ANKRD12: variants seen among roughly 807,000 people sequenced by gnomAD.
ANKRD12 encodes the protein ankyrin repeat domain 12.
ANKRD12 carries 85 observed loss-of-function variants against 183.4 expected under a neutral mutation model. The ratio of observed to expected loss-of-function variants is 0.46; its 90% CI spans 0.39 to 0.56. The LOEUF is 0.56. Among genes scored for constraint, ANKRD12 ranks in the 20% least tolerant of loss-of-function variants. ANKRD12 has a pLI of 0.00. For synonymous variants in ANKRD12, 914 were observed against 800.2 expected (o/e 1.14, Z -2.40); for missense variants, 2,405 against 2,357.1 (o/e 1.02, Z -0.42).
chr18:9,197,231 A>G (rs2034886094), intron 3 of ANKRD12, among the ~76,000 whole-genome samples: 1 of 152,238 alleles, frequency 6.6e-6, no homozygotes, highest in South Asian at 2.1e-4. Context: ...CATTGAATAA[A>G]TGTAACCTAA....
chr18:9,274,411 CATT>C (rs1390646520), intron 10 of ANKRD12, among the ~76,000 whole-genome samples: 2 of 152,192 alleles, frequency 1.3e-5, no homozygotes, highest in African/African-American at 4.8e-5. Flanking sequence ...ACCTTGAAAT[CATT>C]ATGCCAAGTG....
intron 8 of ANKRD12, among the ~76,000 whole-genome samples, chr18:9,237,982 A>T (rs1300603460): frequency 6.6e-6 from 1 of 151,960 alleles, no homozygotes; most frequent in Non-Finnish European, 1.5e-5. Context: ...TTGTAGACTG[A>T]CTCCTCCATG....
chr18:9,161,292 G>A (rs918072617), intron 1 of ANKRD12, among the ~76,000 whole-genome samples: 3 of 152,050 alleles, frequency 2.0e-5, no homozygotes, highest in African/African-American at 7.2e-5. Context: ...ACTTAGTTGT[G>A]AAAGATTTGT....
At chr18:9,204,590 A>C in intron 4 of ANKRD12, 46 bp downstream of exon 4, 1 of 1,350,982 alleles carries the variant, frequency 7.4e-7, no homozygotes, top group African/African-American at 1.5e-5. Flanking sequence ...GGTTTCTGTC[A>C]CATTTACAAT....
At chr18:9,190,358 T>G (rs1046919734) in intron 2 of ANKRD12, among the ~76,000 whole-genome samples, 19 of 152,252 alleles carry the variant, frequency 1.2e-4, no homozygotes, top group African/African-American at 4.3e-4. Context: ...ATAGCTCATC[T>G]TTCTTATGGA....
chr18:9,223,164 A>C (rs2036515465), intron 8 of ANKRD12, among the ~76,000 whole-genome samples: 1 of 152,194 alleles, frequency 6.6e-6, no homozygotes. Context: ...CACACCTGTA[A>C]TCCCAGCGCT....
chr18:9,156,137 CAAAAAAAAA>C (rs34154495), intron 1 of ANKRD12, among the ~76,000 whole-genome samples: 2 of 104,092 alleles, frequency 1.9e-5, no homozygotes, highest in East Asian at 2.7e-4. Context: ...GACTCTGTCT[CAAAAAAAAA>C]AAAAAAAAAG....
chr18:9,170,114 A>G (rs1258233649), intron 1 of ANKRD12, among the ~76,000 whole-genome samples: 2 of 152,216 alleles, frequency 1.3e-5, no homozygotes, highest in Non-Finnish European at 2.9e-5. Context: ...CTTTGTGGGT[A>G]ACCCCACCTT....
rs1300971035 is a variant in ANKRD12 at position 9,258,609 on chromosome 18, T to G, written c.5342T>G (p.Ile1781Ser). The G allele has an allele frequency of 6.2e-7, 1 of 1,613,798 alleles. No homozygotes were observed. The highest frequency in any genetic ancestry group is 8.5e-7 in the Non-Finnish European group (1 of 1,179,930). ...IRLTEDDDPQ[I>S]HHPRKRKVSR... The stretch of plus-strand genomic sequence containing the variant: ...TTAACTGAAGATGACGATCCTCAAA[T>G]TCACCATCCACGGAAAAGGAAAGTG... Residue 1781 changes from isoleucine to serine, a missense_variant, in exon 9 of 13, where the codon ATT becomes AGT. Ile to Ser is a moderately radical substitution (Grantham distance 142, BLOSUM62 -2). This residue lies in a region of ANKRD12 where 1,983 missense variants were observed against 1,725.9 expected (regional missense o/e 1.15). Coordinates refer to ENST00000262126, the MANE Select transcript of ANKRD12 (RefSeq NM_015208.5).
Position 9,136,934 on chromosome 18 carries a change from G to C in ANKRD12, c.-83G>C, listed in dbSNP as rs1330796729. On this transcript the variant is annotated 5_prime_UTR_variant, in exon 1 of 13. Coordinates refer to ENST00000262126, the MANE Select transcript of ANKRD12 (RefSeq NM_015208.5). ...GGCTACGCCGAAGCACTCGTTCCGG[G>C]GGTGAAGCCTCCTGCGCCGGCCTTG... The C allele has an allele frequency of 6.6e-6, 1 of 152,316 alleles. No individual in the cohort carries two copies. Among genetic ancestry groups the C allele is most frequent in the Non-Finnish European group, 1.5e-5 (1 of 68,142 alleles). The allele number at this position is 152,316 out of a possible 1,614,324, so 9.4% of individuals were successfully genotyped here.
intron 8 of ANKRD12, among the ~76,000 whole-genome samples, chr18:9,236,354 TAAAC>T (rs981230107): frequency 1.3e-5 from 2 of 152,160 alleles, no homozygotes; most frequent in Non-Finnish European, 2.9e-5. Context: ...ATGATAAATT[TAAAC>T]AAACAGAATG....
At chr18:9,259,358 CAAACACATTTACGTGTTTAACAACAT>C (rs1195199333) in intron 9 of ANKRD12, 1 of 152,660 alleles carries the variant, frequency 6.6e-6, no homozygotes, top group African/African-American at 2.5e-5. Context: ...TTTAATGTAA[CAAACACATTTACGTGTTTAACAACAT>C]AAACACATTT....
chr18:9,209,037 C>G (rs1184778511), intron 5 of ANKRD12, among the ~76,000 whole-genome samples: 1 of 152,086 alleles, frequency 6.6e-6, no homozygotes, highest in African/African-American at 2.4e-5. Flanking sequence ...ATGTGTAATC[C>G]ATGTTTTATT....
chr18:9,260,556 G>T (rs999054954), intron 9 of ANKRD12, among the ~76,000 whole-genome samples: 1 of 152,164 alleles, frequency 6.6e-6, no homozygotes, highest in Non-Finnish European at 1.5e-5. Flanking sequence ...TCTCTACTGT[G>T]GCCACTGATT....
chr18:9,158,724 AGAAAGTCACTC>A (rs1344381269), intron 1 of ANKRD12, among the ~76,000 whole-genome samples: 2 of 152,134 alleles, frequency 1.3e-5, no homozygotes, highest in African/African-American at 4.8e-5. Flanking sequence ...ATTCTTTGGA[AGAAAGTCACTC>A]TACCCAGGCC....
chr18:9,257,197 T>G lies in ANKRD12; in HGVS notation c.3930T>G (p.Cys1310Trp). 1 of 1,614,136 alleles carries G rather than the reference T, an allele frequency of 6.2e-7. No homozygotes were observed. The highest frequency in any genetic ancestry group is 8.5e-7 in the Non-Finnish European group (1 of 1,179,988). ...GACCTACCATAGAAGTTCGAAGATGTAGCATGCCTTCTGTCATTTGTGAAC... is the reference window on the plus strand; with the variant it reads ...GACCTACCATAGAAGTTCGAAGATGGAGCATGCCTTCTGTCATTTGTGAAC... ...EGRPTIEVRR[C>W]SMPSVICEHT... The change falls in exon 9 of 13, where the codon TGT (cysteine) becomes TGG (tryptophan). Residue 1310 changes from cysteine (C) to tryptophan (W), a missense_variant. By Grantham distance (215) the Cys-to-Trp change is radical. Transcript: ENST00000262126.
At position 9,284,096 on chromosome 18, in the gene ANKRD12, A is replaced by T. The variant is rs1182904152; in HGVS notation, c.*2970A>T. ...TGTCTAAAAATATGTACATAAGTTT[A>T]AAAATATTTTATTGCTAAAAATGGT... On this transcript the variant is annotated 3_prime_UTR_variant, in exon 13 of 13. Coordinates refer to ENST00000262126, the MANE Select transcript of ANKRD12 (RefSeq NM_015208.5). The T allele has an allele frequency of 3.9e-5, 6 of 152,364 alleles. No homozygotes were observed. Among genetic ancestry groups the T allele is most frequent in the East Asian group, 1.9e-4 (1 of 5,194 alleles). 9.4% of individuals were successfully genotyped at this position (152,364 alleles called of 1,614,324 possible).
At chr18:9,277,396 C>T (rs991954850) in intron 11 of ANKRD12, among the ~76,000 whole-genome samples, 3 of 144,824 alleles carry the variant, frequency 2.1e-5, no homozygotes, top group Non-Finnish European at 4.5e-5. Flanking sequence ...GGCACGATCT[C>T]GGCTCACTGC....
At chr18:9,198,312 T>C (rs1476591437) in intron 3 of ANKRD12, among the ~76,000 whole-genome samples, 1 of 152,104 alleles carries the variant, frequency 6.6e-6, no homozygotes, top group Non-Finnish European at 1.5e-5. Context: ...AGAACAATTA[T>C]AGTTTGGAAA....
Sources: gnomAD v4.1 joint callset for allele counts (sites outside exome capture counted in the v4.1 genomes callset) on GRCh38, gnomAD v4.1.1 for gene constraint, gnomAD v4.1.1 regional missense constraint, MANE v1.5 for transcripts, NCBI Gene and HGNC (gene_info 2026-07-23, HGNC 2026-07-21) for gene names.